PLCZ1: variants seen among roughly 807,000 people sequenced by gnomAD.
PLCZ1 encodes the protein phospholipase C zeta 1, also known as 1-phosphatidylinositol 4,5-bisphosphate phosphodiesterase zeta-1.
A neutral mutation model predicts 76.8 loss-of-function variants in PLCZ1; 64 were observed. The observed-to-expected ratio is 0.83, with a 90% CI of 0.68 to 1.03. The LOEUF is 1.03. Among genes scored for constraint, PLCZ1 ranks in the 50% least tolerant of loss-of-function variants. The pLI is 0.00. For missense variants in PLCZ1, 751 were observed against 713.7 expected (o/e 1.05, Z -0.60); for synonymous variants, 248 against 230.8 (o/e 1.07, Z -0.68).
Position 18,712,928 on chromosome 12 carries a change from C to A in PLCZ1, c.628G>T (p.Glu210Ter). 6.2e-7 allele frequency: 1 copy of A among 1,613,938 alleles called. No individual in the cohort carries two copies. The highest frequency in any genetic ancestry group is 1.1e-5 in the South Asian group (1 of 91,066). Residue 210 changes from glutamate to a stop codon, truncating the protein, a stop_gained, in exon 6 of 15, where the codon GAA (glutamate) becomes TAA (stop). Transcript: ENST00000266505. LOFTEE classifies it high-confidence loss of function. ...GTGTAGCCATGATATACAACAGGTT[C>A]ATTTTGTGCTCCATCCCAGCAGTCA... ...EIDCWDGAQN[E>*]PVVYHGYTLT...
the PLCZ1 span, chr12:18,648,117 T>C: frequency 2.7e-6 from 2 of 754,630 alleles, no homozygotes; most frequent in Non-Finnish European, 4.0e-6. Flanking sequence ...GGCATCTTTG[T>C]TGTCAAAGAC....
At chr12:18,652,361 G>C in the PLCZ1 span, among the ~76,000 whole-genome samples, 1 of 152,032 alleles carries the variant, frequency 6.6e-6, no homozygotes, top group Non-Finnish European at 1.5e-5. Context: ...ATATTAGAGT[G>C]ATGCATCTAC....
chr12:18,737,281 C>G (rs1324010485), intron 2 of PLCZ1, 80 bp downstream of exon 2: 13 of 1,495,324 alleles, frequency 8.7e-6, no homozygotes, highest in African/African-American at 1.4e-5. Context: ...CAGAACTCCT[C>G]GAAAAGAATA....
At chr12:18,679,082 C>T (rs1952192075), downstream of PLCZ1, among the ~76,000 whole-genome samples, 1 of 152,048 alleles carries the variant, frequency 6.6e-6, no homozygotes, top group Admixed American at 6.6e-5. Flanking sequence ...TGATGAATGG[C>T]ATTGAGCTTC....
At chr12:18,697,801 TA>T (rs1340198430) in intron 10 of PLCZ1, among the ~76,000 whole-genome samples, 1 of 111,376 alleles carries the variant, frequency 9.0e-6, no homozygotes, top group African/African-American at 4.5e-5. Flanking sequence ...TCTACAACAT[TA>T]TTTTTTAATG....
chr12:18,725,833 A>G (rs182599018), intron 3 of PLCZ1, among the ~76,000 whole-genome samples: 1 of 152,078 alleles, frequency 6.6e-6, no homozygotes, highest in Non-Finnish European at 1.5e-5. Context: ...TAAATTACCA[A>G]TTTCTACTAA....
chr12:18,688,480 T>C (rs938360456), intron 12 of PLCZ1, among the ~76,000 whole-genome samples: 2 of 151,996 alleles, frequency 1.3e-5, no homozygotes, highest in African/African-American at 4.8e-5. Context: ...ATTTTTGTTT[T>C]AAAATCATTT....
In PLCZ1 at chr12:18,695,001, T is replaced by A; in HGVS notation, c.1370A>T (p.Tyr457Phe). Residue 457 changes from tyrosine (Y) to phenylalanine (F), a missense_variant, in exon 12 of 15, where the codon TAT (tyrosine) becomes TTT (phenylalanine). By Grantham distance (22) the Tyr-to-Phe change is conservative. Coordinates refer to ENST00000266505, the MANE Select transcript of PLCZ1 (RefSeq NM_033123.4). ...GKFLDNGGSG[Y>F]ILKPHFLRES... ...TCTTAAGAAATGTGGTTTCAAAATA[T>A]ATCCAGAACCACCATTATCCAAAAA... is the stretch of plus-strand genomic sequence containing the variant. 6.2e-7 allele frequency: 1 copy of A among 1,611,276 alleles called. No homozygotes were observed.
rs1291728136 is a variant in PLCZ1, at chr12:18,700,688, A to G, written c.1018-738T>C. Among the ~76,000 whole-genome samples, 4 of 152,094 alleles carry G rather than the reference A, an allele frequency of 2.6e-5. No homozygotes were observed. The East Asian group carries it at 5.8e-4, about 22-fold the overall frequency. ...TTCTGCTGACTTTATGTGAGACACT[A>G]TATCAAGTCATTTTTTAAACTAAAA... On this transcript the variant is annotated intron_variant, in intron 9 of 14. Coordinates refer to ENST00000266505, the MANE Select transcript of PLCZ1 (RefSeq NM_033123.4).
rs779997825 is a variant in PLCZ1, at chr12:18,732,724, G to A, written c.135+3497C>T. Among the ~76,000 whole-genome samples the A allele has an allele frequency of 6.7e-4, 102 of 152,058 alleles. 1 individual carries two copies. The highest frequency in any genetic ancestry group is 1.1e-3 in the Non-Finnish European group (75 of 67,996). ...ACATAAGTGGTGTCATGCACTATTT[G>A]TCCTTCTGTGTCTGGCTTATTTCCC... On this transcript the variant is annotated intron_variant, in intron 3 of 14. Transcript: ENST00000266505.
the PLCZ1 span, among the ~76,000 whole-genome samples, chr12:18,653,296 A>G: frequency 2.0e-5 from 3 of 152,172 alleles, no homozygotes; most frequent in Admixed American, 6.6e-5. Context: ...TTGATATTAC[A>G]TAGGAAAAAC....
the PLCZ1 span, among the ~76,000 whole-genome samples, chr12:18,651,110 T>C: frequency 6.6e-6 from 1 of 152,024 alleles, no homozygotes; most frequent in African/African-American, 2.4e-5. Context: ...TTAACTCTTA[T>C]TATATCCTCC....
chr12:18,664,407 T>C, the PLCZ1 span, among the ~76,000 whole-genome samples: 12 of 152,148 alleles, frequency 7.9e-5, no homozygotes, highest in African/African-American at 2.7e-4. Flanking sequence ...GAAACTGTAG[T>C]TTATACATAC....
chr12:18,653,021 AACCCCT>A, the PLCZ1 span, among the ~76,000 whole-genome samples: 1 of 152,042 alleles, frequency 6.6e-6, no homozygotes, highest in African/African-American at 2.4e-5. Context: ...CACCCCCTCA[AACCCCT>A]ACCTATCACT....
At chr12:18,730,363 T>C (rs890554592) in intron 3 of PLCZ1, among the ~76,000 whole-genome samples, 1 of 152,122 alleles carries the variant, frequency 6.6e-6, no homozygotes, top group African/African-American at 2.4e-5. Context: ...TAATCAACAT[T>C]TTAATGCATA....
chr12:18,711,284 A>T (rs1287310773), intron 6 of PLCZ1, among the ~76,000 whole-genome samples: 2 of 149,734 alleles, frequency 1.3e-5, no homozygotes, highest in African/African-American at 2.5e-5. Flanking sequence ...TATCGCAAGG[A>T]CAAAAAACCA....
chr12:18,665,934 CAA>C, the PLCZ1 span, among the ~76,000 whole-genome samples: 2 of 128,440 alleles, frequency 1.6e-5, no homozygotes, highest in Non-Finnish European at 1.6e-5. Context: ...GACTCCATCT[CAA>C]AAAAAAAAAA....
At chr12:18,679,828 A>C (rs1194180754), downstream of PLCZ1, among the ~76,000 whole-genome samples, 1 of 151,966 alleles carries the variant, frequency 6.6e-6, no homozygotes, top group East Asian at 1.9e-4. Flanking sequence ...GGTACATTAT[A>C]AAGGCATTTA....
intron 12 of PLCZ1, 49 bp downstream of exon 12, chr12:18,694,861 T>C (rs1465026999): frequency 4.4e-6 from 6 of 1,370,890 alleles, no homozygotes; most frequent in East Asian, 2.4e-5. Context: ...GTACACTATC[T>C]AGTTTATATA....
Sources: allele counts gnomAD v4.1 joint callset (sites outside exome capture counted in the v4.1 genomes callset), GRCh38; gene constraint gnomAD v4.1.1; transcripts MANE v1.5; gene names NCBI Gene and HGNC (gene_info 2026-07-23, HGNC 2026-07-21).